SLX4IP: variants seen among roughly 807,000 people sequenced by gnomAD.
SLX4IP encodes the protein protein SLX4IP.
SLX4IP carries 34 observed loss-of-function variants against 32.9 expected under a neutral mutation model. The ratio of observed to expected loss-of-function variants is 1.03; its 90% confidence interval spans 0.79 to 1.38. The LOEUF is 1.38. Among genes scored for constraint, SLX4IP ranks in the 40% most tolerant of loss-of-function variants. The pLI is 0.00. For synonymous variants in SLX4IP, 172 were observed against 171.7 expected, an observed-to-expected ratio of 1.00 and a Z score of -0.01; for missense variants, 444 against 479.0, an observed-to-expected ratio of 0.93 and a Z score of 0.68.
intron 4 of SLX4IP, among the ~76,000 whole-genome samples, chr20:10,573,637 ACAGT>A (rs2066491080): frequency 6.6e-6 from 1 of 152,236 alleles, no homozygotes; most frequent in Non-Finnish European, 1.5e-5. Context: ...GGTTTTAGCA[ACAGT>A]CAAACTGCAC....
chr20:10,540,101 TTCCTTCCTTCCTTCC>T (rs2066087791), intron 2 of SLX4IP, among the ~76,000 whole-genome samples: 17 of 88,704 alleles, frequency 1.9e-4, no homozygotes, highest in Admixed American at 1.1e-3. Flanking sequence ...CTTCCTTTCC[TTCCTTCCTTCCTTCC>T]TTCCTTCCTT....
intron 6 of SLX4IP, among the ~76,000 whole-genome samples, chr20:10,602,658 G>A (rs775919122): frequency 6.6e-6 from 1 of 151,978 alleles, no homozygotes; most frequent in Non-Finnish European, 1.5e-5. Context: ...ACATTAACCG[G>A]GCCATGAAGT....
intron 1 of SLX4IP, among the ~76,000 whole-genome samples, chr20:10,452,667 A>G (rs2065250778): frequency 1.0e-5 from 1 of 98,488 alleles, no homozygotes; most frequent in South Asian, 2.9e-4. Context: ...ACTGTCTCAA[A>G]AAAAAAAAAA....
intron 1 of SLX4IP, among the ~76,000 whole-genome samples, chr20:10,452,189 A>G (rs1740542023): frequency 6.6e-6 from 1 of 152,034 alleles, no homozygotes; most frequent in Admixed American, 6.5e-5. Context: ...CATCCTTGTG[A>G]GCTCTCTTCA....
chr20:10,505,612 C>T (rs915523724), intron 2 of SLX4IP, among the ~76,000 whole-genome samples: 1 of 152,160 alleles, frequency 6.6e-6, no homozygotes, highest in African/African-American at 2.4e-5. Flanking sequence ...GTAACCATTT[C>T]ATAGATCTTT....
intron 6 of SLX4IP, among the ~76,000 whole-genome samples, chr20:10,605,100 CT>C (rs2066890908): frequency 6.6e-6 from 1 of 152,118 alleles, no homozygotes. Context: ...GTCCTGGAGC[CT>C]TTGGGAAATT....
intron 6 of SLX4IP, among the ~76,000 whole-genome samples, chr20:10,619,928 C>CA (rs1462286379): frequency 3.3e-5 from 5 of 152,212 alleles, no homozygotes; most frequent in African/African-American, 1.2e-4. Context: ...GCTTAAAACT[C>CA]ACTTGGGTTA....
At chr20:10,605,299 A>G (rs1410346740) in intron 6 of SLX4IP, among the ~76,000 whole-genome samples, 1 of 152,202 alleles carries the variant, frequency 6.6e-6, no homozygotes, top group Non-Finnish European at 1.5e-5. Context: ...TAATTTGCTA[A>G]GTCCCAGCTC....
intron 2 of SLX4IP, among the ~76,000 whole-genome samples, chr20:10,489,197 T>G (rs1436812350): frequency 6.6e-6 from 1 of 152,164 alleles, no homozygotes; most frequent in African/African-American, 2.4e-5. Context: ...GTCGAGGAGT[T>G]CTGTATGGGG....
chr20:10,484,619 T>C (rs531008690), intron 2 of SLX4IP, among the ~76,000 whole-genome samples: 424 of 152,212 alleles, frequency 2.8e-3, no homozygotes, highest in Middle Eastern at 6.8e-3. Flanking sequence ...ACATCTCCAG[T>C]TTTTAATATA....
intron 2 of SLX4IP, among the ~76,000 whole-genome samples, chr20:10,505,840 T>A (rs1450774061): frequency 6.6e-6 from 1 of 152,192 alleles, no homozygotes; most frequent in Non-Finnish European, 1.5e-5. Context: ...TTAAAATTAT[T>A]CCCCTTTTCT....
At chr20:10,446,930 C>T (rs1485927823) in intron 1 of SLX4IP, among the ~76,000 whole-genome samples, 1 of 152,030 alleles carries the variant, frequency 6.6e-6, no homozygotes, top group Admixed American at 6.5e-5. Context: ...TCAATATGGC[C>T]AAAGCTGTCA....
chr20:10,530,828 C>T (rs1323474304), intron 2 of SLX4IP, among the ~76,000 whole-genome samples: 1 of 152,048 alleles, frequency 6.6e-6, no homozygotes, highest in Non-Finnish European at 1.5e-5. Flanking sequence ...CAAGACTCTT[C>T]CAAAAAACCA....
intron 2 of SLX4IP, among the ~76,000 whole-genome samples, chr20:10,474,768 G>T (rs1216994340): frequency 6.6e-6 from 1 of 152,192 alleles, no homozygotes; most frequent in Non-Finnish European, 1.5e-5. Context: ...CATCTAATCG[G>T]GGCTGCTGAA....
At chr20:10,507,406 C>T (rs1203635487) in intron 2 of SLX4IP, among the ~76,000 whole-genome samples, 1 of 152,008 alleles carries the variant, frequency 6.6e-6, no homozygotes, top group Non-Finnish European at 1.5e-5. Context: ...AGAGATTGCT[C>T]AGGTAAGGTT....
intron 2 of SLX4IP, among the ~76,000 whole-genome samples, chr20:10,533,481 A>G (rs1002541928): frequency 1.3e-5 from 2 of 151,914 alleles, no homozygotes; most frequent in African/African-American, 4.8e-5. Flanking sequence ...ACAAAAATAC[A>G]TAATTTTTGA....
chr20:10,517,463 A>G (rs569873801), intron 2 of SLX4IP, among the ~76,000 whole-genome samples: 1 of 152,384 alleles, frequency 6.6e-6, no homozygotes, highest in African/African-American at 2.4e-5. Context: ...AACATTTATT[A>G]AAAGAAATGA....
At chr20:10,515,405 G>T (rs2065841875) in intron 2 of SLX4IP, among the ~76,000 whole-genome samples, 2 of 152,106 alleles carry the variant, frequency 1.3e-5, no homozygotes, top group South Asian at 4.1e-4. Flanking sequence ...ATGTTTTTGA[G>T]AAATTATTTT....
intron 4 of SLX4IP, among the ~76,000 whole-genome samples, chr20:10,594,921 A>G (rs1442392354): frequency 6.6e-6 from 1 of 152,052 alleles, no homozygotes; most frequent in Non-Finnish European, 1.5e-5. Flanking sequence ...AAAGAGACTC[A>G]ATAGTTTTTG....
Sources: gnomAD v4.1 joint callset for allele counts (sites outside exome capture counted in the v4.1 genomes callset) on GRCh38, gnomAD v4.1.1 for gene constraint, MANE v1.5 for transcripts, NCBI Gene and HGNC (gene_info 2026-07-23, HGNC 2026-07-21) for gene names.